Variants in GALK2 observed in about 807,000 individuals in gnomAD.
GALK2 encodes the protein galactokinase 2.
In GALK2, 36 loss-of-function variants were observed where a neutral mutation model predicts 52.4. The ratio of observed to expected loss-of-function variants is 0.69; its 90% CI spans 0.53 to 0.91. The LOEUF is 0.91. Ranked by LOEUF, GALK2 falls within the 40% of genes least tolerant of loss-of-function variation. The pLI, the probability that GALK2 is intolerant of heterozygous loss-of-function variation, is 0.00. For missense variants in GALK2, 579 were observed against 559.1 expected (o/e 1.04, Z -0.36); for synonymous variants, 176 against 199.1 (o/e 0.88, Z 0.98).
chr15:49,227,555 G>A (rs10431777), intron 3 of GALK2, among the ~76,000 whole-genome samples: 7,552 of 151,482 alleles, frequency 0.05, 289 homozygotes, highest in East Asian at 0.17. Context: ...TTTGTAGGGG[G>A]CTTATTATAG....
chr15:49,245,957 C>T (rs2091328882), intron 5 of GALK2, among the ~76,000 whole-genome samples: 1 of 152,084 alleles, frequency 6.6e-6, no homozygotes, highest in South Asian at 2.1e-4. Flanking sequence ...GTATTGACAC[C>T]TGGTATTTCA....
chr15:49,192,280 A>T (rs1454314556), intron 1 of GALK2, among the ~76,000 whole-genome samples: 1 of 151,348 alleles, frequency 6.6e-6, no homozygotes, highest in Admixed American at 6.6e-5. Context: ...CAGATAAAGC[A>T]CTTTGCTTTT....
chr15:49,221,232 C>A (rs761500387), intron 3 of GALK2, among the ~76,000 whole-genome samples: 8 of 152,012 alleles, frequency 5.3e-5, no homozygotes, highest in Non-Finnish European at 1.0e-4. Context: ...AGTCTTTAAC[C>A]TATCTTGGAT....
chr15:49,365,473 G>A lies in GALK2; in HGVS notation c.427-2018G>A, dbSNP rs1465282412. 9.3e-6 allele frequency: 8 copies of A among 864,588 alleles called. No individual in the cohort carries two copies. In the Admixed American group the frequency reaches 1.4e-4, roughly 15 times the overall value. 53.6% of individuals were successfully genotyped at this position (864,588 alleles called of 1,614,324 possible). A position where few individuals can be genotyped will look rare whatever the true frequency, so the allele number is the denominator to read the frequency against. On this transcript the variant is annotated intron_variant, in intron 3 of 3. Transcript: ENST00000558399. ...GTCTCCAAAGCCCAATATTGAAACAGGCATGATGCACACACTCATTACTGA... is the reference window on the plus strand; with the variant it reads ...GTCTCCAAAGCCCAATATTGAAACAAGCATGATGCACACACTCATTACTGA...
At chr15:49,306,142 A>G (rs1361532979) in intron 8 of GALK2, among the ~76,000 whole-genome samples, 1 of 151,600 alleles carries the variant, frequency 6.6e-6, no homozygotes, top group East Asian at 1.9e-4. Context: ...ACTTTCAGTC[A>G]CCCCAGGTCA....
At chr15:49,307,604 C>G (rs2035650045) in intron 8 of GALK2, among the ~76,000 whole-genome samples, 1 of 152,088 alleles carries the variant, frequency 6.6e-6, no homozygotes, top group South Asian at 2.1e-4. Context: ...TTTACAGAAG[C>G]TTAGCATATG....
chr15:49,284,546 C>T (rs1316168206), intron 7 of GALK2, among the ~76,000 whole-genome samples: 1 of 152,154 alleles, frequency 6.6e-6, no homozygotes, highest in Non-Finnish European at 1.5e-5. Context: ...TCAGGAGCTC[C>T]ACTGTGCTTT....
intron 9 of GALK2, among the ~76,000 whole-genome samples, chr15:49,322,690 G>T (rs1185917218): frequency 6.6e-6 from 1 of 152,120 alleles, no homozygotes; most frequent in Non-Finnish European, 1.5e-5. Flanking sequence ...GGGCCCAATT[G>T]CTCACACCTG....
At chr15:49,217,530 T>G (rs2089475234) in intron 3 of GALK2, among the ~76,000 whole-genome samples, 1 of 152,248 alleles carries the variant, frequency 6.6e-6, no homozygotes, top group South Asian at 2.1e-4. Flanking sequence ...GTGCTAGACA[T>G]AGTCTTAGAT....
chr15:49,367,607 G>T, exon 4 of GALK2: 1 of 1,548,938 alleles, frequency 6.5e-7, no homozygotes, highest in South Asian at 1.3e-5. Context: ...ACTATAGTGC[G>T]ACTGTAAGAG....
intron 9 of GALK2, among the ~76,000 whole-genome samples, chr15:49,320,933 G>C (rs1157673189): frequency 6.6e-6 from 1 of 152,170 alleles, no homozygotes; most frequent in Non-Finnish European, 1.5e-5. Flanking sequence ...TGGGATGGTT[G>C]GAATCCCACC....
At chr15:49,220,947 C>G (rs1005923555) in intron 3 of GALK2, among the ~76,000 whole-genome samples, 1 of 152,032 alleles carries the variant, frequency 6.6e-6, no homozygotes, top group Non-Finnish European at 1.5e-5. Flanking sequence ...TTTTTACTAT[C>G]GAGTGTTTTG....
intron 1 of GALK2, among the ~76,000 whole-genome samples, chr15:49,178,226 T>TATATATATAG (rs1443494240): frequency 9.1e-6 from 1 of 110,206 alleles, no homozygotes; most frequent in Admixed American, 1.0e-4. Flanking sequence ...TATATATATA[T>TATATATATAG]AGAAATAAAA....
chr15:49,254,553 A>C (rs1419821594), intron 5 of GALK2, among the ~76,000 whole-genome samples: 1 of 144,016 alleles, frequency 6.9e-6, no homozygotes, highest in Non-Finnish European at 1.6e-5. Flanking sequence ...TTCATGACAA[A>C]ATATTTTAAT....
chr15:49,247,230 C>T (rs753021497), intron 5 of GALK2, among the ~76,000 whole-genome samples: 4 of 151,752 alleles, frequency 2.6e-5, no homozygotes, highest in African/African-American at 4.8e-5. Flanking sequence ...GAGACAGAAG[C>T]GGGGAGAGGT....
chr15:49,291,662 T>G (rs2033948624), intron 7 of GALK2, among the ~76,000 whole-genome samples: 1 of 152,128 alleles, frequency 6.6e-6, no homozygotes, highest in South Asian at 2.1e-4. Flanking sequence ...CAGATTTGGT[T>G]TGTACTTAAC....
intron 1 of GALK2, among the ~76,000 whole-genome samples, chr15:49,192,489 A>ATATATATATATATATATATG (rs2086819760): frequency 4.2e-5 from 1 of 23,822 alleles, no homozygotes; most frequent in African/African-American, 1.3e-4. Flanking sequence ...ATATATGTAT[A>ATATATATATATATATATATG]TATATATATA....
rs1457981104 is a variant in GALK2 at position 49,228,667 on chromosome 15, A to ATG, written c.267-7183_267-7182insGT. Among the ~76,000 whole-genome samples the ATG allele has an allele frequency of 1.1e-3, 9 of 8,176 alleles. 2 individuals carry two copies. The highest frequency in any genetic ancestry group is 1.8e-3 in the Non-Finnish European group (7 of 3,942). 5.4% of individuals were successfully genotyped at this position (8,176 alleles called of 152,430 possible). A position where few individuals can be genotyped will look rare whatever the true frequency, so the allele number is the denominator to read the frequency against. Reference sequence around the variant, plus strand: ...GTTCTCTTGTCTTTCACTGATATATATATATATATATATATATATATTTTT... The same window carrying ATG: ...GTTCTCTTGTCTTTCACTGATATATATGTATATATATATATATATATATTTTT... On this transcript the variant is annotated intron_variant, in intron 3 of 9. Coordinates refer to ENST00000560031, the MANE Select transcript of GALK2 (RefSeq NM_002044.4).
In GALK2 at chr15:49,186,579, C is replaced by T. The variant is rs1422553660; in HGVS notation, c.54-14583C>T. The stretch of plus-strand genomic sequence containing the variant: ...TTTTTGAGATGGAGTCTCACTCTGT[C>T]GTCAGGCTGGAGTGCAGTGGTGCAA... On this transcript the variant is annotated intron_variant, in intron 1 of 9. Coordinates refer to ENST00000560031, the MANE Select transcript of GALK2 (RefSeq NM_002044.4). Among the ~76,000 whole-genome samples the T allele has an allele frequency of 1.5e-4, 20 of 133,438 alleles. No homozygotes were observed. The East Asian group carries it at 3.7e-3, about 25-fold the overall frequency. 87.5% of individuals were successfully genotyped at this position (133,438 alleles called of 152,430 possible).
Sources: allele counts gnomAD v4.1 joint callset (sites outside exome capture counted in the v4.1 genomes callset), GRCh38; gene constraint gnomAD v4.1.1; transcripts MANE v1.5; gene names NCBI Gene and HGNC (gene_info 2026-07-23, HGNC 2026-07-21).